The following ACOXL variants were observed in gnomAD, a reference collection of about 807,000 sequenced individuals.
ACOXL encodes the protein acyl-CoA oxidase like.
In ACOXL, 70 loss-of-function variants were observed where a neutral mutation model predicts 71.9. The ratio of observed to expected loss-of-function variants is 0.97; its 90% CI spans 0.80 to 1.19. The LOEUF (loss-of-function observed/expected upper bound fraction) is 1.19. Ranked by LOEUF, ACOXL falls within the 50% of genes most tolerant of loss-of-function variation. The probability of loss-of-function intolerance (pLI) is 0.00; values close to 1 mark genes in which losing one functional copy is unlikely to be tolerated. For synonymous variants in ACOXL, 253 were observed against 281.6 expected, an observed-to-expected ratio of 0.90 and a Z score of 1.02; for missense variants, 703 against 736.3, an observed-to-expected ratio of 0.95 and a Z score of 0.52.
At chr2:110,768,241 T>G in intron 1 of ACOXL, 127 bp from the exon 2 acceptor site, 1 of 673,764 alleles carries the variant, frequency 1.5e-6, no homozygotes, top group South Asian at 1.8e-5. Flanking sequence ...ACACACACAG[T>G]GTGCACAGTA....
chr2:111,061,050 A>G (rs1345505232), intron 16 of ACOXL, among the ~76,000 whole-genome samples: 1 of 152,208 alleles, frequency 6.6e-6, no homozygotes, highest in Non-Finnish European at 1.5e-5. Flanking sequence ...AACTAAATTT[A>G]TATCATTTGG....
At chr2:110,756,274 C>T (rs1336128120) in intron 1 of ACOXL, among the ~76,000 whole-genome samples, 5 of 152,042 alleles carry the variant, frequency 3.3e-5, no homozygotes, top group Non-Finnish European at 7.4e-5. Context: ...TTACAGGTGC[C>T]CGACACCACG....
chr2:110,811,395 G>A (rs1350102139), intron 9 of ACOXL, among the ~76,000 whole-genome samples: 1 of 152,176 alleles, frequency 6.6e-6, no homozygotes, highest in East Asian at 1.9e-4. Flanking sequence ...TGGGACCTCT[G>A]CCTCCGCAGA....
At chr2:111,101,710 C>A (rs12052410) in intron 17 of ACOXL, among the ~76,000 whole-genome samples, 17,726 of 151,866 alleles carry the variant, frequency 0.12, 1,193 homozygotes, top group East Asian at 0.27. Flanking sequence ...CCACCCACCC[C>A]ATCCAGTAAG....
intron 10 of ACOXL, among the ~76,000 whole-genome samples, chr2:110,843,148 C>T (rs1691380697): frequency 6.6e-6 from 1 of 152,220 alleles, no homozygotes; most frequent in Non-Finnish European, 1.5e-5. Context: ...AGGTGGACTG[C>T]TCCAGAATGA....
At chr2:110,913,910 C>T (rs72834505) in intron 11 of ACOXL, among the ~76,000 whole-genome samples, 1 of 152,230 alleles carries the variant, frequency 6.6e-6, no homozygotes, top group Non-Finnish European at 1.5e-5. Context: ...GAGGAATCCA[C>T]CCCCGTGACC....
intron 10 of ACOXL, among the ~76,000 whole-genome samples, chr2:110,895,295 T>C (rs754207766): frequency 1.3e-5 from 2 of 151,870 alleles, no homozygotes; most frequent in Non-Finnish European, 2.9e-5. Flanking sequence ...AATTGGATGG[T>C]CTCAACAGAA....
intron 9 of ACOXL, among the ~76,000 whole-genome samples, chr2:110,837,370 C>T (rs1026616994): frequency 9.2e-5 from 14 of 152,218 alleles, no homozygotes; most frequent in Non-Finnish European, 1.0e-4. Context: ...TAGTAGCAAT[C>T]GTGAACATGT....
intron 10 of ACOXL, among the ~76,000 whole-genome samples, chr2:110,871,741 A>G (rs1695304921): frequency 6.6e-6 from 1 of 152,170 alleles, no homozygotes. Context: ...CAGAGATGAG[A>G]GCGCCATAGC....
chr2:110,775,733 C>A (rs1389420559), intron 2 of ACOXL, among the ~76,000 whole-genome samples: 1 of 151,822 alleles, frequency 6.6e-6, no homozygotes, highest in Non-Finnish European at 1.5e-5. Context: ...TCAAAAAAAA[C>A]AAAAAACCAG....
chr2:111,042,677 C>T (rs1454348589), intron 15 of ACOXL, among the ~76,000 whole-genome samples: 1 of 152,200 alleles, frequency 6.6e-6, no homozygotes, highest in Non-Finnish European at 1.5e-5. Flanking sequence ...GTGAGGTGTG[C>T]TGGATGCTAC....
rs1176468597 is a variant in ACOXL at position 110,805,263 on chromosome 2, G to A, written c.621G>A (p.Lys207=). The part of the protein sequence containing the change: ...VRIPRENLLD[K]FGSVAPDGQY... ...GAAACCCCACCTCTCTTTTCCACAG[G>A]TTTGGTTCCGTGGCTCCAGATGGAC... The change falls in exon 9 of 18, where the codon AAG becomes AAA. Residue 207 remains lysine, a splice_region_variant and synonymous_variant. Transcript: ENST00000439055. The A allele has an allele frequency of 6.2e-7, 1 of 1,614,038 alleles. No homozygotes were observed. The highest frequency in any genetic ancestry group is 8.5e-7 in the Non-Finnish European group (1 of 1,179,966).
chr2:110,841,926 A>G (rs192672813), intron 10 of ACOXL, among the ~76,000 whole-genome samples: 1 of 152,158 alleles, frequency 6.6e-6, no homozygotes, highest in Non-Finnish European at 1.5e-5. Flanking sequence ...TCTTGTGTTG[A>G]TATCAACATT....
At chr2:110,777,542 C>T (rs1329911360) in intron 2 of ACOXL, among the ~76,000 whole-genome samples, 2 of 151,960 alleles carry the variant, frequency 1.3e-5, no homozygotes, top group African/African-American at 4.8e-5. Flanking sequence ...GCAACTCCAC[C>T]CTGCAGAGTC....
At chr2:110,830,620 G>A (rs1181169321) in intron 9 of ACOXL, among the ~76,000 whole-genome samples, 8 of 151,754 alleles carry the variant, frequency 5.3e-5, no homozygotes, top group Middle Eastern at 3.2e-3. Flanking sequence ...TGCAAGCTCC[G>A]CCTCCCAGGC....
At chr2:110,754,152 A>G (rs751783354) in intron 1 of ACOXL, among the ~76,000 whole-genome samples, 31 of 149,102 alleles carry the variant, frequency 2.1e-4, no homozygotes, top group Non-Finnish European at 3.4e-4. Flanking sequence ...GGCTCACTAC[A>G]GCCTCAACAT....
chr2:111,005,068 T>C (rs2063808922), intron 14 of ACOXL, among the ~76,000 whole-genome samples: 2 of 152,146 alleles, frequency 1.3e-5, no homozygotes, highest in African/African-American at 4.8e-5. Context: ...ATTGGGCAAA[T>C]GGAAGGATGA....
At chr2:110,768,511 TGTGA>T (rs775207321) in intron 2 of ACOXL, 47 bp downstream of exon 2, 316 of 1,398,112 alleles carry the variant, frequency 2.3e-4, no homozygotes, top group African/African-American at 1.3e-3. Flanking sequence ...TGTGTGTGTG[TGTGA>T]GAGAGAGAGA....
chr2:110,882,638 T>C (rs554861033), intron 10 of ACOXL, among the ~76,000 whole-genome samples: 2 of 152,342 alleles, frequency 1.3e-5, no homozygotes, highest in Non-Finnish European at 2.9e-5. Context: ...CTGATTTTTT[T>C]CCTTAATTTT....
Sources: allele counts gnomAD v4.1 joint callset (sites outside exome capture counted in the v4.1 genomes callset), GRCh38; gene constraint gnomAD v4.1.1; transcripts MANE v1.5; gene names NCBI Gene and HGNC (gene_info 2026-07-23, HGNC 2026-07-21).